The following FAH variants were observed in gnomAD, a reference collection of about 807,000 sequenced individuals.
FAH encodes fumarylacetoacetate hydrolase, also known as fumarylacetoacetase.
In FAH, 47 loss-of-function variants were observed where a neutral mutation model predicts 55.8. The ratio of observed to expected loss-of-function variants is 0.84; its 90% confidence interval spans 0.67 to 1.07. FAH has a LOEUF of 1.07. Among genes scored for constraint, FAH ranks in the 50% least tolerant of loss-of-function variants. The pLI, the probability that FAH is intolerant of heterozygous loss-of-function variation, is 0.00. For synonymous variants in FAH, 199 were observed against 207.7 expected, an observed-to-expected ratio of 0.96 and a Z score of 0.36; for missense variants, 495 against 545.9, an observed-to-expected ratio of 0.91 and a Z score of 0.93.
At position 80,186,277 on chromosome 15, in the gene FAH, C is replaced by T. The variant is rs1044410166; in HGVS notation, c.*68C>T. 7.5e-7 allele frequency: 1 copy of T among 1,326,756 alleles called. No homozygotes were observed. The highest frequency in any genetic ancestry group is 1.1e-6 in the Non-Finnish European group (1 of 918,140). The allele number at this position is 1,326,756 out of a possible 1,614,324, so 82.2% of individuals were successfully genotyped here. On this transcript the variant is annotated 3_prime_UTR_variant, in exon 14 of 14. Transcript: ENST00000561421. ...TTTCAACCCTGTGACTGGGGTCCTC[C>T]CTCGGGCTGTAGGCCTGGTCCGCCA...
At chr15:80,161,622 G>T (rs1211135177) in intron 4 of FAH, among the ~76,000 whole-genome samples, 1 of 152,216 alleles carries the variant, frequency 6.6e-6, no homozygotes, top group East Asian at 1.9e-4. Flanking sequence ...CATCTGCAGT[G>T]TGCAAGCCCT....
Position 80,160,037 on chromosome 15 carries a change from AG to A in FAH, c.314+163del, listed in dbSNP as rs2041135360. 1.8e-5 allele frequency: 18 copies of A among 1,028,134 alleles called. No individual in the cohort carries two copies. The East Asian group carries it at 4.7e-4, about 27-fold the overall frequency. The allele number at this position is 1,028,134 out of a possible 1,614,324, so 63.7% of individuals were successfully genotyped here. A position where few individuals can be genotyped will look rare whatever the true frequency, so the allele number is the denominator to read the frequency against. ...CCTGCCTGAGCTGCCTATTGATGGG[AG>A]GGCTTTGGGAGGACTGGGATTGCCT... On this transcript the variant is annotated intron_variant, in intron 3 of 13. Coordinates refer to ENST00000561421, the MANE Select transcript of FAH (RefSeq NM_000137.4).
At chr15:80,160,313 ATTGTGGATAATC>A in intron 3 of FAH, 85 bp from the exon 4 acceptor site, 2 of 1,260,116 alleles carry the variant, frequency 1.6e-6, no homozygotes, top group Non-Finnish European at 2.3e-6. Flanking sequence ...CCCACTGGAG[ATTGTGGATAATC>A]TTGGGGATGG....
At chr15:80,161,204 C>T (rs548731566) in intron 4 of FAH, among the ~76,000 whole-genome samples, 1 of 152,178 alleles carries the variant, frequency 6.6e-6, no homozygotes, top group Admixed American at 6.5e-5. Flanking sequence ...TTTGGCAAAC[C>T]AGCTGTTGTG....
intron 1 of FAH, chr15:80,156,328 A>G (rs2041100192): frequency 1.9e-5 from 3 of 155,330 alleles, no homozygotes; most frequent in Admixed American, 1.3e-4. Context: ...AAAACTAATG[A>G]TTAATAATGT....
At chr15:80,176,451 C>T (rs913319155) in intron 10 of FAH, among the ~76,000 whole-genome samples, 2 of 152,330 alleles carry the variant, frequency 1.3e-5, no homozygotes, top group Non-Finnish European at 1.5e-5. Context: ...CAGGAGCTGT[C>T]GCCATGGGAG....
chr15:80,160,502 G>T (rs146263676), intron 4 of FAH, 43 bp downstream of exon 4: 1 of 1,598,530 alleles, frequency 6.3e-7, no homozygotes, highest in Admixed American at 1.7e-5. Context: ...GAGCAGCTTC[G>T]TGGGCCAAGA....
intron 13 of FAH, among the ~76,000 whole-genome samples, chr15:80,182,841 T>A (rs560820721): frequency 6.6e-6 from 1 of 152,276 alleles, no homozygotes; most frequent in Non-Finnish European, 1.5e-5. Context: ...CACGGTTCTG[T>A]GGATTGAGTG....
intron 1 of FAH, among the ~76,000 whole-genome samples, chr15:80,154,994 C>T (rs1223372850): frequency 6.6e-6 from 1 of 152,202 alleles, no homozygotes; most frequent in Non-Finnish European, 1.5e-5. Flanking sequence ...ACATTGGCTG[C>T]CTTTGAGTCT....
intron 8 of FAH, 26 bp downstream of exon 8, chr15:80,172,274 A>T: frequency 6.5e-7 from 1 of 1,545,346 alleles, no homozygotes; most frequent in African/African-American, 1.4e-5. Context: ...CTGCTCCTGT[A>T]GAGATGACGG....
chr15:80,176,135 G>A (rs1595895874), intron 10 of FAH, among the ~76,000 whole-genome samples: 1 of 152,166 alleles, frequency 6.6e-6, no homozygotes, highest in East Asian at 1.9e-4. Flanking sequence ...TTCTGCCTCA[G>A]CCTCCTGTGT....
Position 80,168,092 on chromosome 15 carries a change from G to C in FAH, c.496G>C (p.Val166Leu). ...PVGYHGRASS[V>L]VVSGTPIRRP... ...GGGCTACCATGGCCGTGCCTCCTCTGTCGTGGTGTCTGGCACCCCAATCCG... is the reference window on the plus strand; with the variant it reads ...GGGCTACCATGGCCGTGCCTCCTCTCTCGTGGTGTCTGGCACCCCAATCCG... Residue 166 changes from valine (V) to leucine (L), a missense_variant, in exon 6 of 14, where the codon GTC becomes CTC. Physicochemically the swap from Val to Leu is conservative, Grantham distance 32 (BLOSUM62 1). Coordinates refer to ENST00000561421, the MANE Select transcript of FAH (RefSeq NM_000137.4). 6.2e-7 allele frequency: 1 copy of C among 1,614,170 alleles called. No homozygotes were observed. The highest frequency in any genetic ancestry group is 1.7e-5 in the Admixed American group (1 of 60,022).
At chr15:80,176,516 C>T (rs772299269) in intron 10 of FAH, among the ~76,000 whole-genome samples, 21 of 152,298 alleles carry the variant, frequency 1.4e-4, no homozygotes, top group Non-Finnish European at 2.1e-4. Context: ...CTGCCCAGGG[C>T]CCTCTGGGAA....
intron 13 of FAH, among the ~76,000 whole-genome samples, chr15:80,184,297 T>C (rs2041352912): frequency 6.6e-6 from 1 of 152,186 alleles, no homozygotes; most frequent in Non-Finnish European, 1.5e-5. Context: ...CAAAAGTCTT[T>C]CGTTTCTTGC....
intron 5 of FAH, among the ~76,000 whole-genome samples, chr15:80,167,821 T>TA (rs2041205443): frequency 6.6e-6 from 1 of 152,130 alleles, no homozygotes; most frequent in Non-Finnish European, 1.5e-5. Context: ...CGCGAGCCAC[T>TA]GCACCCAGCC....
At chr15:80,153,691 C>G (rs2041074394) in intron 1 of FAH, among the ~76,000 whole-genome samples, 1 of 152,196 alleles carries the variant, frequency 6.6e-6, no homozygotes, top group African/African-American at 2.4e-5. Context: ...TGTGGGCTCC[C>G]TGGCATTCCC....
At chr15:80,168,452 C>A in intron 7 of FAH, 136 bp downstream of exon 7, 1 of 809,362 alleles carries the variant, frequency 1.2e-6, no homozygotes, top group South Asian at 1.4e-5. Context: ...TGTGTCCCCA[C>A]CTGGCCATCA....
At chr15:80,160,007 C>T (rs1231170899) in intron 3 of FAH, 130 bp downstream of exon 3, 3 of 1,229,852 alleles carry the variant, frequency 2.4e-6, no homozygotes, top group Non-Finnish European at 3.4e-6. Flanking sequence ...TGCCCTCATC[C>T]AGCCCCTGCC....
Position 80,168,289 on chromosome 15 carries a change from C to A in FAH, c.579C>A (p.Cys193Ter). The change falls in exon 7 of 14, where the codon TGC becomes TGA. Residue 193 changes from cysteine (C) to a stop codon, truncating the protein, a stop_gained. Coordinates refer to ENST00000561421, the MANE Select transcript of FAH (RefSeq NM_000137.4). LOFTEE classifies it high-confidence loss of function. The stretch of plus-strand genomic sequence containing the variant: ...CTAAGCCTCCCGTATATGGTGCCTG[C>A]AAGCTCTTGGACATGGAGCTGGAAA... Reference protein sequence around the residue: ...DDSKPPVYGACKLLDMELEMA... With the variant: ...DDSKPPVYGA The A allele has an allele frequency of 6.2e-7, 1 of 1,611,642 alleles. No homozygotes were observed. The highest frequency in any genetic ancestry group is 8.5e-7 in the Non-Finnish European group (1 of 1,179,886).
Sources: allele counts gnomAD v4.1 joint callset (sites outside exome capture counted in the v4.1 genomes callset), GRCh38; gene constraint gnomAD v4.1.1; transcripts MANE v1.5; gene names NCBI Gene and HGNC (gene_info 2026-07-23, HGNC 2026-07-21).